The following MAP1B variants were observed in gnomAD, a reference collection of about 807,000 sequenced individuals.
MAP1B encodes the protein microtubule associated protein 1B.
Under a neutral mutation model 176.1 loss-of-function variants are expected in MAP1B, and 12 were observed. The observed-to-expected ratio is 0.07, with a 90% CI of 0.04 to 0.11. MAP1B has a LOEUF of 0.11. Among genes scored for constraint, MAP1B ranks in the 10% least tolerant of loss-of-function variants. The pLI is 1.00. For synonymous variants in MAP1B, 1,044 were observed against 1,135.0 expected (o/e 0.92, Z 1.61); for missense variants, 2,523 against 2,990.5 (o/e 0.84, Z 3.65).
intron 4 of MAP1B, among the ~76,000 whole-genome samples, chr5:72,187,555 T>C (rs748532857): frequency 2.0e-5 from 3 of 152,190 alleles, no homozygotes; most frequent in Non-Finnish European, 2.9e-5. Flanking sequence ...CTGTGGCCGA[T>C]AGCAGATTTC....
chr5:72,116,782 T>C (rs1212366467), intron 2 of MAP1B, among the ~76,000 whole-genome samples: 1 of 152,238 alleles, frequency 6.6e-6, no homozygotes, highest in Non-Finnish European at 1.5e-5. Context: ...CATATGCTTT[T>C]GTTATATGAT....
chr5:72,110,050 G>T (rs2112109885), intron 1 of MAP1B, among the ~76,000 whole-genome samples: 1 of 152,262 alleles, frequency 6.6e-6, no homozygotes, highest in Admixed American at 6.5e-5. Flanking sequence ...ACAAAATTCA[G>T]ATTTGTCTTC....
intron 2 of MAP1B, among the ~76,000 whole-genome samples, chr5:72,147,420 G>C (rs923874036): frequency 6.6e-6 from 1 of 151,458 alleles, no homozygotes; most frequent in Admixed American, 6.6e-5. Context: ...GTAACTATTT[G>C]TATTCCAGGT....
rs1168950069 is a variant in MAP1B at position 72,195,701 on chromosome 5, A to G, written c.2346A>G (p.Ile782Met). 5 of 1,614,230 alleles carry G rather than the reference A, an allele frequency of 3.1e-6. No homozygotes were observed. Among genetic ancestry groups the G allele is most frequent in the Non-Finnish European group, 3.4e-6 (4 of 1,180,036 alleles). The change falls in exon 5 of 7, where the codon ATA becomes ATG. Residue 782 changes from isoleucine (I) to methionine (M), a missense_variant. By Grantham distance (10) the Ile-to-Met change is conservative. This residue lies in a region of MAP1B where 1,925 missense variants were observed against 2,126.0 expected (regional missense o/e 0.91). Coordinates refer to ENST00000296755, the MANE Select transcript of MAP1B (RefSeq NM_005909.5). ...GAAAGCCAAAGGAGAAGGGGAAAAT[A>G]AAAGTCATTAAGAAGGAAGGCAAGG... is the stretch of plus-strand genomic sequence containing the variant. The part of the protein sequence containing the change: ...AAGKPKEKGK[I>M]KVIKKEGKAA...
At chr5:72,155,929 G>A (rs1481911396) in intron 2 of MAP1B, among the ~76,000 whole-genome samples, 1 of 151,974 alleles carries the variant, frequency 6.6e-6, no homozygotes, top group African/African-American at 2.4e-5. Flanking sequence ...ACCATGCCTG[G>A]CTAATTTTTG....
intron 5 of MAP1B, 122 bp from the exon 6 acceptor site, chr5:72,203,441 A>G (rs1747374349): frequency 2.7e-6 from 2 of 739,678 alleles, no homozygotes; most frequent in African/African-American, 1.7e-5. Flanking sequence ...ACCACTTTGC[A>G]TGTCTCAGAG....
chr5:72,146,235 G>GGATCTTAC (rs562710500), intron 2 of MAP1B, among the ~76,000 whole-genome samples: 155 of 152,300 alleles, frequency 1.0e-3, no homozygotes, highest in African/African-American at 3.7e-3. Flanking sequence ...CCCCAGGGCT[G>GGATCTTAC]GATCTTACAG....
At position 72,205,600 on chromosome 5, in the gene MAP1B, A is replaced by C; in HGVS notation, c.*361A>C. ...GAGAGTGAGAGAGAGTGAGAGCACA[A>C]AGATAACGCAGGAGAGAGAGAGAGA... On this transcript the variant is annotated 3_prime_UTR_variant, in exon 7 of 7. Transcript: ENST00000296755. 1 of 173,614 alleles carries C rather than the reference A, an allele frequency of 5.8e-6. No homozygotes were observed. Among genetic ancestry groups the C allele is most frequent in the South Asian group, 1.6e-4 (1 of 6,362 alleles). 10.8% of individuals were successfully genotyped at this position (173,614 alleles called of 1,614,324 possible). A position where few individuals can be genotyped will look rare whatever the true frequency, so the allele number is the denominator to read the frequency against.
chr5:72,115,684 C>G lies in MAP1B; in HGVS notation c.185-14C>G, dbSNP rs979180302. 8 of 1,485,236 alleles carry G rather than the reference C, an allele frequency of 5.4e-6. No individual in the cohort carries two copies. The highest frequency in any genetic ancestry group is 7.5e-6 in the Non-Finnish European group (8 of 1,062,724). 92.0% of individuals were successfully genotyped at this position (1,485,236 alleles called of 1,614,324 possible). ...AACTGGAAGTCTCTCAACTGTCTTT[C>G]TTTCCCTCCCTAGGAATCCGATCAT... On this transcript the variant is annotated splice_polypyrimidine_tract_variant and intron_variant, in intron 1 of 6. Transcript: ENST00000296755.
chr5:72,118,369 TA>T (rs141261152), intron 2 of MAP1B, among the ~76,000 whole-genome samples: 10,460 of 150,780 alleles, frequency 0.069, 753 homozygotes, highest in East Asian at 0.21. Context: ...ATGGATCCCC[TA>T]AAAAAAAATA....
rs547827991 is a variant in MAP1B at position 72,168,570 on chromosome 5, C to G, written c.287-15173C>G. Among the ~76,000 whole-genome samples, 5 of 152,334 alleles carry G rather than the reference C, an allele frequency of 3.3e-5. No homozygotes were observed. In the East Asian group the frequency reaches 7.7e-4, roughly 23 times the overall value. On this transcript the variant is annotated intron_variant, in intron 2 of 6. Coordinates refer to ENST00000296755, the MANE Select transcript of MAP1B (RefSeq NM_005909.5). ...AAGTGATTTTATGCATGCTGCCTTT[C>G]TTAAGAGAACTTGTTACTTCTCATG...
At position 72,199,366 on chromosome 5, in the gene MAP1B, C is replaced by T. The variant is rs1182537448; in HGVS notation, c.6011C>T (p.Pro2004Leu). ...GATGGTGGCCACACACTTGGGGACC[C>T]CAGCTACTCTTATGAAACCACTGAG... ...SEDGGHTLGD[P>L]SYSYETTEKI... The change falls in exon 5 of 7, where the codon CCC becomes CTC. Residue 2004 changes from proline to leucine, a missense_variant. By Grantham distance (98) the Pro-to-Leu change is moderately conservative. Transcript: ENST00000296755. This position sits in a 1 kb window ranked among gnomAD's most constrained non-coding sequence, Gnocchi z 4.2. 6.2e-7 allele frequency: 1 copy of T among 1,613,998 alleles called. No homozygotes were observed. The highest frequency in any genetic ancestry group is 8.5e-7 in the Non-Finnish European group (1 of 1,180,026).
At position 72,196,774 on chromosome 5, in the gene MAP1B, G is replaced by A. The variant is rs1747180611; in HGVS notation, c.3419G>A (p.Arg1140Gln). 4 of 1,613,986 alleles carry A rather than the reference G, an allele frequency of 2.5e-6. No individual in the cohort carries two copies. The highest frequency in any genetic ancestry group is 8.5e-7 in the Non-Finnish European group (1 of 1,180,004). Residue 1140 changes from arginine (R) to glutamine (Q), a missense_variant, in exon 5 of 7, where the codon CGA becomes CAA. Arg to Gln is a conservative substitution (Grantham distance 43). Transcript: ENST00000296755. This position sits in a 1 kb window ranked among gnomAD's most constrained non-coding sequence, Gnocchi z 5.3. Reference protein sequence around the residue: ...PTPMDEMSTPRDVMSDETNNE... With the variant: ...PTPMDEMSTPQDVMSDETNNE... ...CCCATGGATGAGATGTCTACCCCTC[G>A]AGACGTGATGAGTGATGAGACCAAC...
At chr5:72,152,136 T>C (rs4522976) in intron 2 of MAP1B, among the ~76,000 whole-genome samples, 2 of 151,948 alleles carry the variant, frequency 1.3e-5, no homozygotes, top group Non-Finnish European at 2.9e-5. Flanking sequence ...GTATTTAGAT[T>C]GTGGTTCTTT....
intron 2 of MAP1B, among the ~76,000 whole-genome samples, chr5:72,182,943 A>G (rs1174807699): frequency 6.6e-6 from 1 of 152,160 alleles, no homozygotes; most frequent in Non-Finnish European, 1.5e-5. Flanking sequence ...AAGGTCATGC[A>G]CAGGTCTCCA....
intron 2 of MAP1B, among the ~76,000 whole-genome samples, chr5:72,134,668 A>G (rs905451646): frequency 6.6e-6 from 1 of 151,988 alleles, no homozygotes; most frequent in Non-Finnish European, 1.5e-5. Context: ...CACTCTATCA[A>G]TTAGTGAAAG....
At chr5:72,188,685 C>T (rs1251341021) in intron 4 of MAP1B, among the ~76,000 whole-genome samples, 1 of 152,004 alleles carries the variant, frequency 6.6e-6, no homozygotes, top group East Asian at 1.9e-4. Flanking sequence ...AATTTTAGCA[C>T]CATGGACTGT....
intron 2 of MAP1B, among the ~76,000 whole-genome samples, chr5:72,125,903 A>G (rs79468662): frequency 0.019 from 2,870 of 151,272 alleles, 73 homozygotes; most frequent in African/African-American, 0.057. Flanking sequence ...TTCTGAAATC[A>G]TGTGAGAACA....
chr5:72,188,725 GA>G (rs1390460743), intron 4 of MAP1B, among the ~76,000 whole-genome samples: 3 of 151,700 alleles, frequency 2.0e-5, no homozygotes, highest in East Asian at 3.9e-4. Flanking sequence ...ACTAATTACA[GA>G]AAAAAAAATT....
Sources: gnomAD v4.1 joint callset for allele counts (sites outside exome capture counted in the v4.1 genomes callset) on GRCh38, gnomAD v4.1.1 for gene constraint, gnomAD v4.1.1 regional missense constraint, Gnocchi (gnomAD v3.1) non-coding constraint, MANE v1.5 for transcripts, NCBI Gene and HGNC (gene_info 2026-07-23, HGNC 2026-07-21) for gene names.